Variants in MAB21L3 observed in about 807,000 individuals in gnomAD.
The protein encoded by MAB21L3 is protein mab-21-like 3.
MAB21L3 carries 36 observed loss-of-function variants against 37.7 expected under a neutral mutation model. That is an observed-to-expected ratio of 0.96 (90% CI 0.73 to 1.26). MAB21L3 has a LOEUF of 1.26. MAB21L3 is among the 50% of genes most tolerant of loss of function. The probability of loss-of-function intolerance (pLI) is 0.00; values close to 1 mark genes in which losing one functional copy is unlikely to be tolerated. For synonymous variants in MAB21L3, 186 were observed against 176.8 expected (o/e 1.05, Z -0.41); for missense variants, 430 against 447.3 (o/e 0.96, Z 0.35).
chr1:116,122,780 C>A (rs986491792), intron 4 of MAB21L3, among the ~76,000 whole-genome samples: 1 of 152,144 alleles, frequency 6.6e-6, no homozygotes, highest in Non-Finnish European at 1.5e-5. Flanking sequence ...ATTGCCCAAG[C>A]TGCTCAACAA....
intron 3 of MAB21L3, among the ~76,000 whole-genome samples, chr1:116,118,532 T>C (rs1659654044): frequency 6.6e-6 from 1 of 152,222 alleles, no homozygotes; most frequent in Non-Finnish European, 1.5e-5. Context: ...ATTCTAGCTG[T>C]CAGACTCCAT....
At chr1:116,128,391 T>C in intron 7 of MAB21L3, 52 bp downstream of exon 7, 1 of 1,526,678 alleles carries the variant, frequency 6.6e-7, no homozygotes, top group Non-Finnish European at 8.8e-7. Context: ...GGATAGGTCA[T>C]TCTTCCTGTG....
chr1:116,137,281 A>G lies in MAB21L3; in HGVS notation c.*3916A>G, dbSNP rs1660216631. On this transcript the variant is annotated 3_prime_UTR_variant, in exon 8 of 8. Coordinates refer to ENST00000369500, the MANE Select transcript of MAB21L3 (RefSeq NM_152367.3). ...AATGAACTCAAACAAATTTACAAGA[A>G]AAAAACAAACAACCCCAACAAAAAG... 8.6e-6 allele frequency among the ~76,000 whole-genome samples: 1 copy of G among 116,486 alleles called. No individual in the cohort carries two copies. The highest frequency in any genetic ancestry group is 1.6e-5 in the Non-Finnish European group (1 of 63,822). 76.4% of individuals were successfully genotyped at this position (116,486 alleles called of 152,430 possible). A position where few individuals can be genotyped will look rare whatever the true frequency, so the allele number is the denominator to read the frequency against.
chr1:116,133,224 C>G lies in MAB21L3; in HGVS notation c.948C>G (p.His316Gln). The change falls in exon 8 of 8, where the codon CAC (histidine) becomes CAG (glutamine). Residue 316 changes from histidine (H) to glutamine (Q), a missense_variant. His to Gln is a conservative substitution (Grantham distance 24, BLOSUM62 0). Coordinates refer to ENST00000369500, the MANE Select transcript of MAB21L3 (RefSeq NM_152367.3). ...KAFLRLVRKL[H>Q]KCVSQHFLKH... is the part of the protein sequence containing the mutation. The stretch of plus-strand genomic sequence containing the variant: ...TTCTGCGCCTGGTGAGGAAACTGCA[C>G]AAGTGCGTGAGCCAGCACTTCCTGA... The G allele has an allele frequency of 6.2e-7, 1 of 1,614,182 alleles. No individual in the cohort carries two copies. The highest frequency in any genetic ancestry group is 8.5e-7 in the Non-Finnish European group (1 of 1,180,022).
chr1:116,113,397 A>G lies in MAB21L3; in HGVS notation c.48+734A>G, dbSNP rs115072880. ...CCATTAAGAGAGATAAATAAGGAAA[A>G]CCTGGGATGATAAAAACTAGAGTAA... On this transcript the variant is annotated intron_variant, in intron 3 of 7. Transcript: ENST00000369500. 4.7e-3 allele frequency among the ~76,000 whole-genome samples: 709 copies of G among 152,314 alleles called. 4 individuals carry two copies. Among genetic ancestry groups the G allele is most frequent in the African/African-American group, 0.016 (671 of 41,580 alleles).
chr1:116,124,306 C>T lies in MAB21L3; in HGVS notation c.430C>T (p.Leu144=). The T allele has an allele frequency of 2.5e-6, 4 of 1,614,076 alleles. No homozygotes were observed. Among genetic ancestry groups the T allele is most frequent in the Non-Finnish European group, 3.4e-6 (4 of 1,180,014 alleles). The part of the protein sequence containing the change: ...DGDIVPAKVL[L]VFRKLVENAV... ...AGACATTGTGCCTGCCAAGGTCCTC[C>T]TAGTGTTCCGGAAGCTGGTGGAAAA... Residue 144 remains leucine, a synonymous_variant, in exon 5 of 8, where the codon CTA becomes TTA. Transcript: ENST00000369500.
intron 7 of MAB21L3, among the ~76,000 whole-genome samples, chr1:116,129,923 C>T (rs1002588628): frequency 6.6e-6 from 1 of 152,182 alleles, no homozygotes; most frequent in Non-Finnish European, 1.5e-5. Context: ...ACATTCTCAA[C>T]GTGTCCCAAG....
Position 116,124,181 on chromosome 1 carries a change from G to T in MAB21L3, c.305G>T (p.Cys102Phe), listed in dbSNP as rs149580249. The stretch of plus-strand genomic sequence containing the variant: ...ACACTGCAGGGCACCAGGCTGCCCT[G>T]CCCGTTGCGGGACCCTGAGGGTCTG... Reference protein sequence around the residue: ...YYTLQGTRLPCPLRDPEGLQQ... With the variant: ...YYTLQGTRLPFPLRDPEGLQQ... Residue 102 changes from cysteine to phenylalanine, a missense_variant, in exon 5 of 8, where the codon TGC becomes TTC. Cys to Phe is a radical substitution (Grantham distance 205). Transcript: ENST00000369500. The T allele has an allele frequency of 6.2e-7, 1 of 1,614,224 alleles. No individual in the cohort carries two copies. The highest frequency in any genetic ancestry group is 8.5e-7 in the Non-Finnish European group (1 of 1,180,046).
At position 116,137,974 on chromosome 1, in the gene MAB21L3, G is replaced by T. The variant is rs745759669; in HGVS notation, c.*4609G>T. Reference sequence around the variant, plus strand: ...AACATCACACTCTGGGGACTGTTGTGGGGTGGGGGGAGGGGGGAGGGATAG... The same window carrying T: ...AACATCACACTCTGGGGACTGTTGTTGGGTGGGGGGAGGGGGGAGGGATAG... On this transcript the variant is annotated 3_prime_UTR_variant, in exon 8 of 8. Coordinates refer to ENST00000369500, the MANE Select transcript of MAB21L3 (RefSeq NM_152367.3). Among the ~76,000 whole-genome samples, 90 of 127,426 alleles carry T rather than the reference G, an allele frequency of 7.1e-4. No individual in the cohort carries two copies. Among genetic ancestry groups the T allele is most frequent in the Non-Finnish European group, 1.2e-3 (75 of 61,870 alleles). 83.6% of individuals were successfully genotyped at this position (127,426 alleles called of 152,430 possible).
Position 116,136,498 on chromosome 1 carries a change from T to G in MAB21L3, c.*3133T>G, listed in dbSNP as rs1219096935. Among the ~76,000 whole-genome samples the G allele has an allele frequency of 5.3e-5, 8 of 152,090 alleles. No individual in the cohort carries two copies. The highest frequency in any genetic ancestry group is 2.6e-4 in the Admixed American group (4 of 15,270). On this transcript the variant is annotated 3_prime_UTR_variant, in exon 8 of 8. Coordinates refer to ENST00000369500, the MANE Select transcript of MAB21L3 (RefSeq NM_152367.3). ...GAGGATACAAACAAATGGAAGAACA[T>G]TCCATGCTCATGGGTAGGAAGAATC...
chr1:116,115,208 A>C (rs1409044281), intron 3 of MAB21L3, among the ~76,000 whole-genome samples: 1 of 152,230 alleles, frequency 6.6e-6, no homozygotes. Flanking sequence ...TGCCTTGCAC[A>C]CAGGAAGGAC....
intron 6 of MAB21L3, among the ~76,000 whole-genome samples, 183 bp downstream of exon 6, chr1:116,127,827 C>T (rs1659952610): frequency 6.6e-6 from 1 of 152,206 alleles, no homozygotes; most frequent in East Asian, 1.9e-4. Context: ...GCTTCCCGAG[C>T]CCCCACTCTG....
chr1:116,126,652 AAAAAAAT>A (rs1659915657), intron 5 of MAB21L3, among the ~76,000 whole-genome samples: 1 of 151,994 alleles, frequency 6.6e-6, no homozygotes, highest in South Asian at 2.1e-4. Context: ...TGAAGAGGGA[AAAAAAAT>A]GGCATTAGCC....
At chr1:116,112,704 T>C in intron 3 of MAB21L3, 41 bp downstream of exon 3, 1 of 1,595,158 alleles carries the variant, frequency 6.3e-7, no homozygotes, top group Non-Finnish European at 8.6e-7. Context: ...CCCCTCCCCA[T>C]TCACACTACT....
Position 116,115,948 on chromosome 1 carries a change from A to T in MAB21L3, c.48+3285A>T, listed in dbSNP as rs79678808. ...TTGCCATGAACTAAGTTTGGTGACAAGGTTGCCTCAAGGCTGCCTTGAAGC... is the reference window on the plus strand; with the variant it reads ...TTGCCATGAACTAAGTTTGGTGACATGGTTGCCTCAAGGCTGCCTTGAAGC... On this transcript the variant is annotated intron_variant, in intron 3 of 7. Transcript: ENST00000369500. Among the ~76,000 whole-genome samples, 1,322 of 152,246 alleles carry T rather than the reference A, an allele frequency of 8.7e-3. 11 individuals are homozygous for T. The highest frequency in any genetic ancestry group is 0.032 in the South Asian group (155 of 4,820).
chr1:116,120,036 G>A (rs185442881), intron 3 of MAB21L3, among the ~76,000 whole-genome samples: 5 of 152,140 alleles, frequency 3.3e-5, no homozygotes, highest in African/African-American at 9.6e-5. Flanking sequence ...CAAGTTAAGT[G>A]GTTTAATATT....
chr1:116,129,167 G>C (rs1308310455), intron 7 of MAB21L3, among the ~76,000 whole-genome samples: 2 of 152,238 alleles, frequency 1.3e-5, no homozygotes, highest in Non-Finnish European at 1.5e-5. Flanking sequence ...CAGTGAGGAA[G>C]CACTGGAAAG....
Position 116,117,158 on chromosome 1 carries a change from C to CATATATATATATAT in MAB21L3, c.49-3771_49-3770insTATATATATATATA, listed in dbSNP as rs773287860. Among the ~76,000 whole-genome samples, 533 of 85,918 alleles carry CATATATATATATAT rather than the reference C, an allele frequency of 6.2e-3. 20 individuals are homozygous for CATATATATATATAT. The highest frequency in any genetic ancestry group is 0.02 in the East Asian group (54 of 2,668). The allele number at this position is 85,918 out of a possible 152,430, so 56.4% of individuals were successfully genotyped here. ...TTATTAACTCAGGAATCAAAATATA[C>CATATATATATATAT]ATACATATATATATATATATATATA... On this transcript the variant is annotated intron_variant, in intron 3 of 7. Coordinates refer to ENST00000369500, the MANE Select transcript of MAB21L3 (RefSeq NM_152367.3).
rs936824574 is a variant in MAB21L3, at chr1:116,137,890, G to A, written c.*4525G>A. ...TCGCAAGAACAAAAAACCAAACACT[G>A]CATATTCTCACTCATAGGTGGGAAT... On this transcript the variant is annotated 3_prime_UTR_variant, in exon 8 of 8. Transcript: ENST00000369500. 6.8e-6 allele frequency among the ~76,000 whole-genome samples: 1 copy of A among 146,924 alleles called. No individual in the cohort carries two copies. The highest frequency in any genetic ancestry group is 2.5e-5 in the African/African-American group (1 of 39,424).
Sources: allele counts gnomAD v4.1 joint callset (sites outside exome capture counted in the v4.1 genomes callset), GRCh38; gene constraint gnomAD v4.1.1; transcripts MANE v1.5; gene names NCBI Gene and HGNC (gene_info 2026-07-23, HGNC 2026-07-21).